The following DGKB variants were observed in gnomAD, a reference collection of about 807,000 sequenced individuals.
DGKB encodes the protein diacylglycerol kinase beta, also known as 90 kDa diacylglycerol kinase.
In DGKB, 67 loss-of-function variants were observed where a neutral mutation model predicts 114.3. That is an observed-to-expected ratio of 0.59 (90% CI 0.48 to 0.72). The LOEUF (loss-of-function observed/expected upper bound fraction) is 0.72. Ranked by LOEUF, DGKB falls within the 30% of genes least tolerant of loss-of-function variation. DGKB has a pLI of 0.00. For missense variants in DGKB, 907 were observed against 975.2 expected (o/e 0.93, Z 0.93); for synonymous variants, 398 against 323.1 (o/e 1.23, Z -2.49).
chr7:14,304,824 T>A (rs1477550753), intron 23 of DGKB, among the ~76,000 whole-genome samples: 3 of 152,026 alleles, frequency 2.0e-5, no homozygotes, highest in Non-Finnish European at 4.4e-5. Flanking sequence ...TATTAAGGAG[T>A]TTATATTCTT....
At chr7:14,268,736 A>G (rs1281345624) in intron 23 of DGKB, among the ~76,000 whole-genome samples, 2 of 152,162 alleles carry the variant, frequency 1.3e-5, no homozygotes, top group African/African-American at 2.4e-5. Flanking sequence ...AACTCCTACA[A>G]AGCATAACTT....
chr7:14,326,223 G>T (rs971995637), intron 23 of DGKB, among the ~76,000 whole-genome samples: 1 of 152,108 alleles, frequency 6.6e-6, no homozygotes, highest in Non-Finnish European at 1.5e-5. Flanking sequence ...AAAGAAAGCT[G>T]AAGGAAAGCA....
At chr7:14,691,752 G>A (rs188973526) in intron 9 of DGKB, among the ~76,000 whole-genome samples, 8 of 151,770 alleles carry the variant, frequency 5.3e-5, no homozygotes, top group African/African-American at 1.2e-4. Flanking sequence ...GAGATGGGGT[G>A]GGGGGCGGAA....
At chr7:14,546,465 A>C (rs1794299650) in intron 20 of DGKB, among the ~76,000 whole-genome samples, 1 of 152,178 alleles carries the variant, frequency 6.6e-6, no homozygotes, top group South Asian at 2.1e-4. Flanking sequence ...GGCTGGCTTC[A>C]TGGGCATGGA....
At chr7:14,696,231 C>T (rs1029362349) in intron 8 of DGKB, among the ~76,000 whole-genome samples, 4 of 151,976 alleles carry the variant, frequency 2.6e-5, no homozygotes, top group African/African-American at 4.8e-5. Context: ...CGGTGGCTCA[C>T]GCCTGTAATC....
At chr7:14,921,579 G>A (rs2128247286) in intron 1 of DGKB, among the ~76,000 whole-genome samples, 1 of 152,290 alleles carries the variant, frequency 6.6e-6, no homozygotes, top group South Asian at 2.1e-4. Context: ...TGATTGTTAT[G>A]ACTAGGGCAC....
chr7:14,703,742 C>G (rs1825638100), intron 6 of DGKB, among the ~76,000 whole-genome samples: 1 of 152,102 alleles, frequency 6.6e-6, no homozygotes, highest in Non-Finnish European at 1.5e-5. Context: ...GGTCATCGTT[C>G]CTGAAAAGGC....
At chr7:14,396,508 C>T (rs2128718515) in intron 21 of DGKB, among the ~76,000 whole-genome samples, 1 of 152,200 alleles carries the variant, frequency 6.6e-6, no homozygotes, top group Admixed American at 6.5e-5. Flanking sequence ...AAAGATGATA[C>T]TCAAGTTCAC....
At chr7:14,725,606 G>A (rs1829906843) in intron 5 of DGKB, among the ~76,000 whole-genome samples, 1 of 151,642 alleles carries the variant, frequency 6.6e-6, no homozygotes, top group Non-Finnish European at 1.5e-5. Flanking sequence ...CCAGGCTGGA[G>A]TGCAGTGGCA....
intron 4 of DGKB, among the ~76,000 whole-genome samples, chr7:14,753,273 C>A (rs770108528): frequency 2.0e-5 from 3 of 152,176 alleles, no homozygotes; most frequent in Non-Finnish European, 4.4e-5. Flanking sequence ...TCTACAGTGG[C>A]GAAGACAATT....
intron 1 of DGKB, among the ~76,000 whole-genome samples, chr7:14,898,096 G>T (rs747760217): frequency 2.0e-5 from 3 of 151,880 alleles, no homozygotes; most frequent in Non-Finnish European, 4.4e-5. Context: ...AAAGACTGTT[G>T]GGCCCGTGGT....
intron 21 of DGKB, among the ~76,000 whole-genome samples, chr7:14,439,382 T>C (rs1829740863): frequency 1.3e-5 from 2 of 152,020 alleles, no homozygotes; most frequent in Admixed American, 6.6e-5. Context: ...ATAGAAATAA[T>C]ACACAAAAAG....
intron 21 of DGKB, among the ~76,000 whole-genome samples, chr7:14,466,908 A>T (rs1780563205): frequency 1.3e-5 from 2 of 152,074 alleles, no homozygotes; most frequent in South Asian, 4.1e-4. Flanking sequence ...TCTTATTTTG[A>T]CCAGTCAAGC....
intron 16 of DGKB, among the ~76,000 whole-genome samples, chr7:14,608,257 T>C (rs1022949163): frequency 2.6e-5 from 4 of 152,042 alleles, no homozygotes; most frequent in Non-Finnish European, 4.4e-5. Context: ...TTAGGCATTA[T>C]TCCTGGGATA....
chr7:14,918,802 C>A (rs1044007070), intron 1 of DGKB, among the ~76,000 whole-genome samples: 1 of 151,966 alleles, frequency 6.6e-6, no homozygotes, highest in African/African-American at 2.4e-5. Flanking sequence ...TGGTGGCTCA[C>A]GTCTGTAATC....
intron 17 of DGKB, among the ~76,000 whole-genome samples, chr7:14,607,080 T>C (rs1404753612): frequency 6.6e-6 from 1 of 151,996 alleles, no homozygotes; most frequent in Non-Finnish European, 1.5e-5. Context: ...ATTTTAAATA[T>C]AAGAAGTACA....
chr7:14,661,464 T>C (rs1585442358), intron 13 of DGKB, among the ~76,000 whole-genome samples: 1 of 138,780 alleles, frequency 7.2e-6, no homozygotes, highest in South Asian at 2.4e-4. Flanking sequence ...ATGCTCACCG[T>C]CACTGGCCAT....
At chr7:14,947,043 T>G (rs1397110375) in intron 1 of DGKB, among the ~76,000 whole-genome samples, 1 of 151,590 alleles carries the variant, frequency 6.6e-6, no homozygotes, top group African/African-American at 2.4e-5. Context: ...AGAGTTTGTT[T>G]TACTTAAGAT....
At chr7:14,897,893 A>G (rs995356727) in intron 1 of DGKB, among the ~76,000 whole-genome samples, 1 of 152,028 alleles carries the variant, frequency 6.6e-6, no homozygotes, top group African/African-American at 2.4e-5. Flanking sequence ...GGATAGAATT[A>G]GAGCCTGTAA....
Sources: allele counts gnomAD v4.1 joint callset (sites outside exome capture counted in the v4.1 genomes callset), GRCh38; gene constraint gnomAD v4.1.1; transcripts MANE v1.5; gene names NCBI Gene and HGNC (gene_info 2026-07-23, HGNC 2026-07-21).